POGK: variants seen among roughly 807,000 people sequenced by gnomAD.
POGK encodes pogo transposable element derived with KRAB domain, also known as pogo transposable element with KRAB domain.
A neutral mutation model predicts 54.4 loss-of-function variants in POGK; 16 were observed. The ratio of observed to expected loss-of-function variants is 0.29; its 90% CI spans 0.20 to 0.45. POGK has a LOEUF of 0.45. Ranked by LOEUF, POGK falls within the 20% of genes least tolerant of loss-of-function variation. POGK has a pLI of 1.00. For missense variants in POGK, 515 were observed against 795.6 expected, an observed-to-expected ratio of 0.65 and a Z score of 4.24; for synonymous variants, 271 against 302.2, an observed-to-expected ratio of 0.90 and a Z score of 1.07.
intron 1 of POGK, chr1:166,840,365 C>G (rs6683488): frequency 0.76 from 115,065 of 152,256 alleles, 44,158 homozygotes; most frequent in African/African-American, 0.88. Flanking sequence ...CTGACTCCTG[C>G]GTTTGCAAAG....
Position 166,850,426 on chromosome 1 carries a change from A to T in POGK, c.*14+3A>T, listed in dbSNP as rs907678823. On this transcript the variant is annotated splice_donor_region_variant and intron_variant, in intron 5 of 5. Coordinates refer to ENST00000367876, the MANE Select transcript of POGK (RefSeq NM_017542.5). Reference sequence around the variant, plus strand: ...AGCAACTGAAGGGAAAGGGAAAGGTAACCACTCAGGAGTAGATACTCAGTG... The same window carrying T: ...AGCAACTGAAGGGAAAGGGAAAGGTTACCACTCAGGAGTAGATACTCAGTG... 1.3e-6 allele frequency: 2 copies of T among 1,588,686 alleles called. No homozygotes were observed. Among genetic ancestry groups the T allele is most frequent in the Non-Finnish European group, 1.7e-6 (2 of 1,171,742 alleles).
At position 166,843,639 on chromosome 1, in the gene POGK, A is replaced by G. The variant is rs548193614; in HGVS notation, c.132+2551A>G. Among the ~76,000 whole-genome samples, 10 of 152,306 alleles carry G rather than the reference A, an allele frequency of 6.6e-5. No homozygotes were observed. In the South Asian group the frequency reaches 2.1e-3, roughly 32 times the overall value. On this transcript the variant is annotated intron_variant, in intron 2 of 5. Coordinates refer to ENST00000367876, the MANE Select transcript of POGK (RefSeq NM_017542.5). ...CCCATAGCAGGCACTCCATCAGTGG[A>G]TCAGTACAAACTACCCCAACCCCTT... is the stretch of plus-strand genomic sequence containing the variant.
chr1:166,848,619 T>C (rs144087481), intron 4 of POGK, among the ~76,000 whole-genome samples: 1 of 152,268 alleles, frequency 6.6e-6, no homozygotes, highest in East Asian at 1.9e-4. Flanking sequence ...CCAAGCTTGG[T>C]TCCTCTGTTG....
intron 3 of POGK, among the ~76,000 whole-genome samples, chr1:166,847,246 CT>C (rs1657885606): frequency 1.3e-5 from 2 of 152,212 alleles, no homozygotes; most frequent in Non-Finnish European, 2.9e-5. Flanking sequence ...TGCATTCACC[CT>C]TCTCCCTGCT....
intron 5 of POGK, 44 bp downstream of exon 5, chr1:166,850,467 C>G (rs1658017562): frequency 2.1e-5 from 32 of 1,523,856 alleles, no homozygotes; most frequent in Non-Finnish European, 2.7e-5. Flanking sequence ...GCTGACATGT[C>G]TGTGTTCTAC....
At chr1:166,839,787 G>A (rs772239327) in intron 1 of POGK, 183 bp downstream of exon 1, 1 of 149,456 alleles carries the variant, frequency 6.7e-6, no homozygotes, top group Non-Finnish European at 1.5e-5. Context: ...GGGGCCGGGA[G>A]GGGGCCAGGT....
chr1:166,847,043 G>A (rs902455124), intron 3 of POGK, among the ~76,000 whole-genome samples: 25 of 152,236 alleles, frequency 1.6e-4, no homozygotes, highest in Admixed American at 1.4e-3. Context: ...TGTTCCTTAC[G>A]AGAGAAGGCA....
rs922141522 is a variant in POGK at position 166,850,211 on chromosome 1, G to A, written c.1632G>A (p.Leu544=). 1.9e-6 allele frequency: 3 copies of A among 1,554,772 alleles called. No individual in the cohort carries two copies. The African/African-American group carries it at 4.1e-5, about 21-fold the overall frequency. The change falls in exon 5 of 6, where the codon CTG becomes CTA. Residue 544 remains leucine, a synonymous_variant. Transcript: ENST00000367876. ...CCGGGAATGCTAAGAAGCCACCCCT[G>A]GGCCTCTTTCTGGAGTGGGTCATGG... ...SPTGNAKKPP[L]GLFLEWVMVA... is the part of the protein sequence containing the mutation.
At position 166,850,384 on chromosome 1, in the gene POGK, C is replaced by A. The variant is rs778739262; in HGVS notation, c.1805C>A (p.Thr602Asn). The A allele has an allele frequency of 1.2e-6, 2 of 1,611,098 alleles. No homozygotes were observed. The highest frequency in any genetic ancestry group is 1.7e-6 in the Non-Finnish European group (2 of 1,179,200). Residue 602 changes from threonine to asparagine, a missense_variant, in exon 5 of 6, where the codon ACC (threonine) becomes AAC (asparagine). Thr to Asn is a moderately conservative substitution (Grantham distance 65). Coordinates refer to ENST00000367876, the MANE Select transcript of POGK (RefSeq NM_017542.5). ...GGAGAACCACCAAAAGATTGTGACACCGAAAGCATGGCTGAGAGCAACTGA... is the reference window on the plus strand; with the variant it reads ...GGAGAACCACCAAAAGATTGTGACAACGAAAGCATGGCTGAGAGCAACTGA... The part of the protein sequence containing the change: ...GGGEPPKDCD[T>N]ESMAESN
At chr1:166,850,447 CA>C in intron 5 of POGK, 24 bp downstream of exon 5, 1 of 1,552,462 alleles carries the variant, frequency 6.4e-7, no homozygotes, top group Non-Finnish European at 8.6e-7. Flanking sequence ...AGTAGATACT[CA>C]GTGCCTTTGC....
Position 166,847,480 on chromosome 1 carries a change from T to C in POGK, c.260-14T>C. On this transcript the variant is annotated splice_polypyrimidine_tract_variant and intron_variant, in intron 3 of 5. Transcript: ENST00000367876. ...TAACACACAGCTGTTACCTATTTTATTTCCTATAAACAGAATTCCCATTCC... is the reference window on the plus strand; with the variant it reads ...TAACACACAGCTGTTACCTATTTTACTTCCTATAAACAGAATTCCCATTCC... The C allele has an allele frequency of 6.2e-7, 1 of 1,604,162 alleles. No homozygotes were observed.
Position 166,841,038 on chromosome 1 carries a change from G to A in POGK, c.82G>A (p.Asp28Asn). The change falls in exon 2 of 6, where the codon GAC (aspartate) becomes AAC (asparagine). Residue 28 changes from aspartate (D) to asparagine (N), a missense_variant. Asp to Asn is a conservative substitution (Grantham distance 23). Transcript: ENST00000367876. ...EEEIQSRELE[D>N]GPADMQKVRI... ...AGAGATTCAGAGCCGGGAACTAGAGGACGGCCCGGCAGACATGCAGAAAGT... is the reference window on the plus strand; with the variant it reads ...AGAGATTCAGAGCCGGGAACTAGAGAACGGCCCGGCAGACATGCAGAAAGT... 6.2e-7 allele frequency: 1 copy of A among 1,614,120 alleles called. No homozygotes were observed. Among genetic ancestry groups the A allele is most frequent in the Non-Finnish European group, 8.5e-7 (1 of 1,180,010 alleles).
Position 166,841,941 on chromosome 1 carries a change from G to A in POGK, c.132+853G>A, listed in dbSNP as rs116467601. Reference sequence around the variant, plus strand: ...ACACTGACATTTGTTCTTCAAAACAGGTCTCCTGAGCTGCACCCTTAAAAG... The same window carrying A: ...ACACTGACATTTGTTCTTCAAAACAAGTCTCCTGAGCTGCACCCTTAAAAG... On this transcript the variant is annotated intron_variant, in intron 2 of 5. Coordinates refer to ENST00000367876, the MANE Select transcript of POGK (RefSeq NM_017542.5). Among the ~76,000 whole-genome samples, 653 of 152,034 alleles carry A rather than the reference G, an allele frequency of 4.3e-3. 5 individuals are homozygous for A. Among genetic ancestry groups the A allele is most frequent in the African/African-American group, 0.015 (607 of 41,440 alleles).
Position 166,842,911 on chromosome 1 carries a change from TGA to T in POGK, c.132+1826_132+1827del, listed in dbSNP as rs138510051. On this transcript the variant is annotated intron_variant, in intron 2 of 5. Transcript: ENST00000367876. ...CCCAAAATGTCAGTTGTGCTGAGGT[TGA>T]GAAACCCTGCTCTAGAGCATTAGAA... is the stretch of plus-strand genomic sequence containing the variant. Among the ~76,000 whole-genome samples, 657 of 152,186 alleles carry T rather than the reference TGA, an allele frequency of 4.3e-3. 5 individuals are homozygous for T. Among genetic ancestry groups the T allele is most frequent in the African/African-American group, 0.015 (611 of 41,506 alleles).
Position 166,855,190 on chromosome 1 carries a change from G to A in POGK, c.*2620G>A, listed in dbSNP as rs1038589868. On this transcript the variant is annotated 3_prime_UTR_variant, in exon 6 of 6. Coordinates refer to ENST00000367876, the MANE Select transcript of POGK (RefSeq NM_017542.5). Reference sequence around the variant, plus strand: ...AGAACAACAAAAGAACATGCTAAGCGAGTCCTCCCACCTGCCTGGTAAAAT... The same window carrying A: ...AGAACAACAAAAGAACATGCTAAGCAAGTCCTCCCACCTGCCTGGTAAAAT... 6.6e-6 allele frequency: 1 copy of A among 152,112 alleles called. No homozygotes were observed. Among genetic ancestry groups the A allele is most frequent in the Admixed American group, 6.5e-5 (1 of 15,300 alleles). 9.4% of individuals were successfully genotyped at this position (152,112 alleles called of 1,614,324 possible).
At position 166,849,741 on chromosome 1, in the gene POGK, G is replaced by A; in HGVS notation, c.1162G>A (p.Val388Ile). 6.2e-7 allele frequency: 1 copy of A among 1,614,274 alleles called. No homozygotes were observed. Among genetic ancestry groups the A allele is most frequent in the Non-Finnish European group, 8.5e-7 (1 of 1,180,054 alleles). Reference protein sequence around the residue: ...VDNQGEKPVLVKTPGREKLKI... With the variant: ...VDNQGEKPVLIKTPGREKLKI... ...TAACCAGGGCGAAAAGCCTGTCTTG[G>A]TCAAGACACCAGGCAGGGAAAAACT... The change falls in exon 5 of 6, where the codon GTC becomes ATC. Residue 388 changes from valine (V) to isoleucine (I), a missense_variant. Around this residue, in one of 2 missense-constraint regions of POGK, gnomAD observed 461 missense variants for 743.5 expected, o/e 0.62. Coordinates refer to ENST00000367876, the MANE Select transcript of POGK (RefSeq NM_017542.5).
intron 1 of POGK, 125 bp downstream of exon 1, chr1:166,839,729 C>T (rs1199593166): frequency 1.4e-5 from 2 of 146,268 alleles, no homozygotes; most frequent in Non-Finnish European, 3.0e-5. Flanking sequence ...GTTGCGGGCC[C>T]GCCGGGGAGG....
chr1:166,844,105 A>C (rs1657732452), intron 2 of POGK, among the ~76,000 whole-genome samples: 1 of 152,202 alleles, frequency 6.6e-6, no homozygotes, highest in Admixed American at 6.5e-5. Flanking sequence ...GTGCCTCTGG[A>C]GCATAATGTG....
chr1:166,842,818 C>T (rs1469418381), intron 2 of POGK, among the ~76,000 whole-genome samples: 1 of 152,086 alleles, frequency 6.6e-6, no homozygotes. Flanking sequence ...TAGATATCTA[C>T]AGTGCACAGG....
Sources: allele counts gnomAD v4.1 joint callset (sites outside exome capture counted in the v4.1 genomes callset), GRCh38; gene constraint gnomAD v4.1.1; regional missense constraint gnomAD v4.1.1; transcripts MANE v1.5; gene names NCBI Gene and HGNC (gene_info 2026-07-23, HGNC 2026-07-21).